The following NAALADL2 variants were observed in gnomAD, a reference collection of about 807,000 sequenced individuals.
The protein encoded by NAALADL2 is N-acetylated alpha-linked acidic dipeptidase like 2.
In NAALADL2, 76 loss-of-function variants were observed where a neutral mutation model predicts 87.2. That is an observed-to-expected ratio of 0.87 (90% CI 0.72 to 1.05). NAALADL2 has a LOEUF of 1.05. Among genes scored for constraint, NAALADL2 ranks in the 50% least tolerant of loss-of-function variants. The pLI is 0.00. For synonymous variants in NAALADL2, 354 were observed against 331.0 expected, an observed-to-expected ratio of 1.07 and a Z score of -0.75; for missense variants, 1,089 against 945.8, an observed-to-expected ratio of 1.15 and a Z score of -1.99.
chr3:175,243,747 G>A (rs964164945), intron 3 of NAALADL2, among the ~76,000 whole-genome samples: 11 of 151,746 alleles, frequency 7.2e-5, no homozygotes, highest in African/African-American at 2.4e-4. Context: ...TTTCATCTAC[G>A]GCCACAGAAG....
chr3:175,056,331 A>T (rs1476891208), intron 1 of NAALADL2, among the ~76,000 whole-genome samples: 3 of 152,114 alleles, frequency 2.0e-5, no homozygotes, highest in African/African-American at 7.2e-5. Flanking sequence ...AGTGGAATGA[A>T]CCAGAGCCCA....
At chr3:174,740,276 G>A (rs558699518) in intron 3 of NAALADL2, among the ~76,000 whole-genome samples, 1 of 151,794 alleles carries the variant, frequency 6.6e-6, no homozygotes, top group Non-Finnish European at 1.5e-5. Flanking sequence ...ATTAACACAA[G>A]CATCTAGATT....
At chr3:174,573,958 TG>T (rs1176085206) in intron 2 of NAALADL2, among the ~76,000 whole-genome samples, 1 of 152,208 alleles carries the variant, frequency 6.6e-6, no homozygotes, top group Non-Finnish European at 1.5e-5. Flanking sequence ...AGGGAAGAGA[TG>T]TACACGTTTA....
intron 11 of NAALADL2, among the ~76,000 whole-genome samples, chr3:175,728,560 A>C (rs1039224494): frequency 2.0e-5 from 3 of 152,064 alleles, no homozygotes; most frequent in Non-Finnish European, 2.9e-5. Context: ...GGCTGCCCTA[A>C]AGTTTGTTAT....
chr3:174,853,829 A>G (rs1725552831), intron 3 of NAALADL2, among the ~76,000 whole-genome samples: 1 of 152,214 alleles, frequency 6.6e-6, no homozygotes, highest in Non-Finnish European at 1.5e-5. Flanking sequence ...CTACAATGAT[A>G]TATCCTCTCA....
At chr3:174,605,890 C>T (rs185494030) in intron 2 of NAALADL2, among the ~76,000 whole-genome samples, 2,308 of 152,242 alleles carry the variant, frequency 0.015, 40 homozygotes, top group Non-Finnish European at 0.018. Flanking sequence ...GACCCCTGAT[C>T]CCCGAGCAGC....
intron 8 of NAALADL2, among the ~76,000 whole-genome samples, chr3:175,470,785 T>C (rs1405455141): frequency 6.6e-6 from 1 of 152,154 alleles, no homozygotes; most frequent in Non-Finnish European, 1.5e-5. Flanking sequence ...AAAACTATTA[T>C]ATGGAATCAT....
In NAALADL2 at chr3:174,591,320, T is replaced by C. The variant is rs985433340; in HGVS notation, c.-115+40683T>C. Among the ~76,000 whole-genome samples the C allele has an allele frequency of 1.1e-4, 17 of 152,138 alleles. 1 individual carries two copies. Among genetic ancestry groups the C allele is most frequent in the Non-Finnish European group, 1.6e-4 (11 of 68,008 alleles). On this transcript the variant is annotated intron_variant, in intron 2 of 3. Coordinates refer to the NAALADL2 transcript ENST00000434257. ...ATTATGTTTGGATTGGCTGGACAAA[T>C]AGAAAAGAACGGTGCATGTTAGATA...
chr3:174,927,617 A>C (rs1736270660), intron 1 of NAALADL2, among the ~76,000 whole-genome samples: 2 of 152,214 alleles, frequency 1.3e-5, no homozygotes, highest in East Asian at 3.8e-4. Context: ...TACTGGGTAC[A>C]TAACGAAATG....
At chr3:175,032,938 T>C (rs898013460) in intron 1 of NAALADL2, among the ~76,000 whole-genome samples, 4 of 152,072 alleles carry the variant, frequency 2.6e-5, no homozygotes, top group Admixed American at 6.6e-5. Context: ...AGCTCTCCTG[T>C]CATGTTCATT....
At chr3:174,679,268 T>C (rs1179374811) in intron 2 of NAALADL2, among the ~76,000 whole-genome samples, 1 of 152,142 alleles carries the variant, frequency 6.6e-6, no homozygotes. Context: ...ATTATATTTA[T>C]ATATATTTTC....
intron 5 of NAALADL2, among the ~76,000 whole-genome samples, chr3:175,409,495 G>A (rs1470614046): frequency 1.3e-5 from 2 of 151,818 alleles, no homozygotes; most frequent in Non-Finnish European, 2.9e-5. Context: ...CTATATGTAT[G>A]TTAAATTTAA....
intron 5 of NAALADL2, among the ~76,000 whole-genome samples, chr3:175,335,318 T>A (rs1761867643): frequency 6.6e-6 from 1 of 152,194 alleles, no homozygotes; most frequent in Non-Finnish European, 1.5e-5. Flanking sequence ...CAAAATTCCG[T>A]TGGAATGAGT....
intron 2 of NAALADL2, among the ~76,000 whole-genome samples, chr3:174,614,213 C>T (rs1720222144): frequency 6.6e-6 from 1 of 152,152 alleles, no homozygotes; most frequent in Non-Finnish European, 1.5e-5. Flanking sequence ...ATGTTCCCCT[C>T]CCCCTGTTTA....
At chr3:175,086,382 T>G (rs1013712559) in intron 1 of NAALADL2, among the ~76,000 whole-genome samples, 1 of 151,452 alleles carries the variant, frequency 6.6e-6, no homozygotes, top group Non-Finnish European at 1.5e-5. Flanking sequence ...GGAAAACATA[T>G]ATAAATTTAA....
chr3:175,236,408 G>T (rs972539210), intron 3 of NAALADL2, among the ~76,000 whole-genome samples: 25 of 151,738 alleles, frequency 1.6e-4, no homozygotes, highest in African/African-American at 6.1e-4. Context: ...AATTAACCGG[G>T]CCCGGTGGCA....
chr3:175,423,899 C>T (rs988979880), intron 5 of NAALADL2, among the ~76,000 whole-genome samples: 27 of 152,120 alleles, frequency 1.8e-4, no homozygotes, highest in Non-Finnish European at 3.5e-4. Context: ...AAAAATGTTC[C>T]TATTTGTCCA....
chr3:175,789,764 T>G (rs1448575990), intron 13 of NAALADL2, among the ~76,000 whole-genome samples: 1 of 152,140 alleles, frequency 6.6e-6, no homozygotes, highest in Non-Finnish European at 1.5e-5. Context: ...TGGATATATA[T>G]TAATAGAACT....
At chr3:175,698,425 G>A (rs62284552) in intron 11 of NAALADL2, among the ~76,000 whole-genome samples, 69,894 of 85,370 alleles carry the variant, frequency 0.82, 30,741 homozygotes, top group East Asian at 0.96. Context: ...GTATACATAT[G>A]TATGTGTATA....
Sources: allele counts gnomAD v4.1 joint callset (sites outside exome capture counted in the v4.1 genomes callset), GRCh38; gene constraint gnomAD v4.1.1; transcripts MANE v1.5; gene names NCBI Gene and HGNC (gene_info 2026-07-23, HGNC 2026-07-21).